Variants in SVEP1 observed in about 807,000 individuals in gnomAD.
SVEP1 encodes the protein sushi, von Willebrand factor type A, EGF and pentraxin domain containing 1.
In SVEP1, 164 loss-of-function variants were observed where a neutral mutation model predicts 367.3. The ratio of observed to expected loss-of-function variants is 0.45; its 90% confidence interval spans 0.39 to 0.51. The LOEUF is 0.51. Ranked by LOEUF, SVEP1 falls within the 20% of genes least tolerant of loss-of-function variation. SVEP1 has a pLI of 0.00. For synonymous variants in SVEP1, 1,666 were observed against 1,611.6 expected, an observed-to-expected ratio of 1.03 and a Z score of -0.81; for missense variants, 4,117 against 4,425.3, an observed-to-expected ratio of 0.93 and a Z score of 1.98.
chr9:110,490,901 T>C (rs984400112), intron 8 of SVEP1, among the ~76,000 whole-genome samples: 15 of 152,012 alleles, frequency 9.9e-5, no homozygotes, highest in South Asian at 2.1e-4. Context: ...TCTTCATCCA[T>C]TGAAAATTGA....
chr9:110,560,068 C>A (rs1325051598), intron 1 of SVEP1, among the ~76,000 whole-genome samples: 4 of 152,084 alleles, frequency 2.6e-5, no homozygotes, highest in African/African-American at 9.7e-5. Context: ...ATGTTTTGGT[C>A]AATGACAGAC....
intron 3 of SVEP1, among the ~76,000 whole-genome samples, chr9:110,541,826 TATATCTATATACATAG>T (rs1403617667): frequency 2.1e-5 from 3 of 142,182 alleles, no homozygotes; most frequent in Non-Finnish European, 3.1e-5. Flanking sequence ...GATATCTATA[TATATCTATATACATAG>T]ATATCTATAT....
chr9:110,556,602 C>T (rs958398672), intron 1 of SVEP1, among the ~76,000 whole-genome samples: 2 of 152,154 alleles, frequency 1.3e-5, no homozygotes, highest in Admixed American at 1.3e-4. Context: ...TCAAGCAATT[C>T]TCCTGCCTCA....
At position 110,532,089 on chromosome 9, in the gene SVEP1, A is replaced by G. The variant is rs186781192; in HGVS notation, c.964+14026T>C. ...GCAGAGTTCCCATATGCTGTGTTCTAGTATCTAAACATGCATCTCACTTTA... is the reference window on the plus strand; with the variant it reads ...GCAGAGTTCCCATATGCTGTGTTCTGGTATCTAAACATGCATCTCACTTTA... On this transcript the variant is annotated intron_variant, in intron 3 of 47. Coordinates refer to ENST00000374469, the MANE Select transcript of SVEP1 (RefSeq NM_153366.4). Among the ~76,000 whole-genome samples the G allele has an allele frequency of 1.7e-3, 260 of 152,282 alleles. 1 individual carries two copies. The highest frequency in any genetic ancestry group is 3.0e-3 in the Admixed American group (46 of 15,290).
chr9:110,458,975 G>A lies in SVEP1; in HGVS notation c.3461C>T (p.Ser1154Phe), dbSNP rs1352947184. The change falls in exon 19 of 48, where the codon TCC (serine) becomes TTC (phenylalanine). Residue 1154 changes from serine (S) to phenylalanine (F), a missense_variant. Physicochemically the swap from Ser to Phe is radical, Grantham distance 155 (BLOSUM62 -2). Transcript: ENST00000374469. ...ACTTGAACATTCTGTGATGGATCTGGAACCAGCGAATGGGGTAGTTCCATA... is the reference window on the plus strand; with the variant it reads ...ACTTGAACATTCTGTGATGGATCTGAAACCAGCGAATGGGGTAGTTCCATA... ...PFYGTTPFAG[S>F]RSITECSSFS... 1 of 1,613,414 alleles carries A rather than the reference G, an allele frequency of 6.2e-7. No individual in the cohort carries two copies. The highest frequency in any genetic ancestry group is 2.2e-5 in the East Asian group (1 of 44,876).
intron 43 of SVEP1, among the ~76,000 whole-genome samples, chr9:110,381,982 T>G: frequency 6.6e-6 from 1 of 152,222 alleles, no homozygotes; most frequent in East Asian, 1.9e-4. Context: ...TAAAATCTGT[T>G]ATGTCAGAAA....
At chr9:110,453,742 G>A (rs557378188) in intron 22 of SVEP1, among the ~76,000 whole-genome samples, 4 of 152,068 alleles carry the variant, frequency 2.6e-5, no homozygotes, top group Admixed American at 2.0e-4. Flanking sequence ...GGTGGCATGC[G>A]CCTGTAGTCT....
chr9:110,474,619 C>T lies in SVEP1; in HGVS notation c.2599+1585G>A, dbSNP rs943560144. On this transcript the variant is annotated intron_variant, in intron 14 of 47. Coordinates refer to ENST00000374469, the MANE Select transcript of SVEP1 (RefSeq NM_153366.4). ...GTAACCTTGTGCCCCCAAAACCTAC[C>T]GCAACAATCTGGGAGGGGAAACCTG... is the stretch of plus-strand genomic sequence containing the variant. Among the ~76,000 whole-genome samples the T allele has an allele frequency of 8.5e-5, 13 of 152,144 alleles. No homozygotes were observed. The East Asian group carries it at 2.3e-3, about 27-fold the overall frequency.
At chr9:110,505,046 C>T (rs1311129953) in intron 5 of SVEP1, among the ~76,000 whole-genome samples, 3 of 152,120 alleles carry the variant, frequency 2.0e-5, no homozygotes, top group Admixed American at 1.3e-4. Context: ...CTGAAAACGC[C>T]CCCGTACCTC....
At chr9:110,446,779 T>A in intron 25 of SVEP1, 121 bp downstream of exon 25, 1 of 793,434 alleles carries the variant, frequency 1.3e-6, no homozygotes, top group Non-Finnish European at 1.8e-6. Context: ...ATTAAATGAG[T>A]ACAAAGTGCT....
At chr9:110,416,738 A>G (rs1038531057) in intron 36 of SVEP1, among the ~76,000 whole-genome samples, 1 of 152,074 alleles carries the variant, frequency 6.6e-6, no homozygotes, top group African/African-American at 2.4e-5. Context: ...CAACAAAGAC[A>G]AGTTTTTAAA....
At chr9:110,481,570 C>CT in intron 11 of SVEP1, 134 bp from the exon 12 acceptor site, 2 of 562,476 alleles carry the variant, frequency 3.6e-6, no homozygotes, top group Non-Finnish European at 5.6e-6. Flanking sequence ...TACCATATGT[C>CT]TTTAGTGCAG....
chr9:110,514,526 A>G (rs966570103), intron 3 of SVEP1, among the ~76,000 whole-genome samples: 10 of 151,764 alleles, frequency 6.6e-5, no homozygotes, highest in African/African-American at 9.7e-5. Flanking sequence ...AAAAAAAAAA[A>G]AAAGAAAGAA....
chr9:110,436,723 T>C (rs1345946666), intron 27 of SVEP1, among the ~76,000 whole-genome samples: 1 of 152,260 alleles, frequency 6.6e-6, no homozygotes, highest in Non-Finnish European at 1.5e-5. Context: ...TGTTGATTTA[T>C]AAACCTGTAA....
chr9:110,448,626 A>T (rs1164604664), intron 24 of SVEP1, among the ~76,000 whole-genome samples: 1 of 152,196 alleles, frequency 6.6e-6, no homozygotes, highest in Non-Finnish European at 1.5e-5. Context: ...CACTTTGTCA[A>T]CAACCTATGT....
chr9:110,500,970 A>G (rs912054282), intron 6 of SVEP1, among the ~76,000 whole-genome samples: 1 of 151,574 alleles, frequency 6.6e-6, no homozygotes, highest in African/African-American at 2.4e-5. Flanking sequence ...CTTTTAAGCT[A>G]TTGAATGAGT....
chr9:110,436,460 C>T lies in SVEP1; in HGVS notation c.4684G>A (p.Glu1562Lys). The change falls in exon 28 of 48, where the codon GAG becomes AAG. Residue 1562 changes from glutamate to lysine, a missense_variant. By Grantham distance (56) the Glu-to-Lys change is moderately conservative (BLOSUM62 1). Coordinates refer to ENST00000374469, the MANE Select transcript of SVEP1 (RefSeq NM_153366.4). ...VLGQEQDKKG[E>K]GFSPAESFVG... ...AAAGACTCAGCTGGGCTGAATCCCT[C>T]TCCTTTTTTGTCTTGCTCTTGCCCC... 1 of 1,613,952 alleles carries T rather than the reference C, an allele frequency of 6.2e-7. No individual in the cohort carries two copies. The highest frequency in any genetic ancestry group is 8.5e-7 in the Non-Finnish European group (1 of 1,179,860).
chr9:110,368,043 T>C (rs1011336187), intron 47 of SVEP1, among the ~76,000 whole-genome samples: 1 of 152,042 alleles, frequency 6.6e-6, no homozygotes, highest in African/African-American at 2.4e-5. Context: ...GCACACTGCA[T>C]GCCAGCCTGG....
chr9:110,546,591 C>T (rs924087306), intron 2 of SVEP1, among the ~76,000 whole-genome samples: 2 of 152,162 alleles, frequency 1.3e-5, no homozygotes, highest in Non-Finnish European at 2.9e-5. Flanking sequence ...CTGCAGGAAA[C>T]AGTGCAGTCA....
Sources: gnomAD v4.1 joint callset for allele counts (sites outside exome capture counted in the v4.1 genomes callset) on GRCh38, gnomAD v4.1.1 for gene constraint, MANE v1.5 for transcripts, NCBI Gene and HGNC (gene_info 2026-07-23, HGNC 2026-07-21) for gene names.